The following DNM1L variants were observed in gnomAD, a reference collection of about 807,000 sequenced individuals.
DNM1L encodes the protein dynamin 1L, also known as dynamin-1-like protein.
Under a neutral mutation model 92.8 loss-of-function variants are expected in DNM1L, and 33 were observed. The observed-to-expected ratio is 0.36, with a 90% CI of 0.27 to 0.48. DNM1L has a LOEUF of 0.48. Ranked by LOEUF, DNM1L falls within the 20% of genes least tolerant of loss-of-function variation. DNM1L has a pLI of 0.99. For missense variants in DNM1L, 485 were observed against 888.8 expected (o/e 0.55, Z 5.78); for synonymous variants, 284 against 305.0 (o/e 0.93, Z 0.72).
intron 2 of DNM1L, among the ~76,000 whole-genome samples, chr12:32,703,614 CAAAAAA>C (rs61051514): frequency 3.5e-5 from 3 of 86,894 alleles, no homozygotes; most frequent in Non-Finnish European, 7.6e-5. Flanking sequence ...CATAAACTTT[CAAAAAA>C]AAAAAAAAAA....
intron 2 of DNM1L, chr12:32,706,898 A>G (rs1592601945): frequency 3.0e-6 from 1 of 331,924 alleles, no homozygotes; most frequent in Middle Eastern, 9.5e-4. Context: ...TCCTTGAGTC[A>G]TATGTGTACA....
At chr12:32,729,742 G>GACAC (rs1398010484) in intron 9 of DNM1L, among the ~76,000 whole-genome samples, 1 of 152,194 alleles carries the variant, frequency 6.6e-6, no homozygotes, top group Non-Finnish European at 1.5e-5. Context: ...TTACAGGTGT[G>GACAC]AGCCACTGTG....
intron 1 of DNM1L, among the ~76,000 whole-genome samples, chr12:32,684,941 A>ATTT (rs113634833): frequency 2.9e-4 from 40 of 137,572 alleles, no homozygotes; most frequent in South Asian, 7.0e-4. Context: ...GTGAATGTGT[A>ATTT]TTTTTTTTTT....
chr12:32,682,138 T>G (rs1313190034), intron 1 of DNM1L, among the ~76,000 whole-genome samples: 1 of 144,778 alleles, frequency 6.9e-6, no homozygotes, highest in Non-Finnish European at 1.5e-5. Context: ...ATCACTTTGG[T>G]TTTTTTTTTT....
chr12:32,681,530 A>AAGAG (rs145985226), intron 1 of DNM1L, among the ~76,000 whole-genome samples: 25,711 of 146,992 alleles, frequency 0.17, 2,894 homozygotes, highest in African/African-American at 0.3. Context: ...CCCCAGCAGA[A>AAGAG]AGAGAGAGAA....
chr12:32,726,332 T>C, intron 9 of DNM1L: 1 of 1,442,050 alleles, frequency 6.9e-7, no homozygotes. Context: ...AGAATTGTGT[T>C]TAGGCTAGGA....
At chr12:32,743,084 A>G (rs1006546586) in intron 19 of DNM1L, among the ~76,000 whole-genome samples, 1 of 151,010 alleles carries the variant, frequency 6.6e-6, no homozygotes, top group African/African-American at 2.4e-5. Flanking sequence ...TTTAGTAGAG[A>G]CGGGGTTTCA....
At chr12:32,738,792 A>G (rs571533802) in intron 16 of DNM1L, among the ~76,000 whole-genome samples, 1 of 152,294 alleles carries the variant, frequency 6.6e-6, no homozygotes, top group South Asian at 2.1e-4. Flanking sequence ...ATTTTAGAGG[A>G]AAATTAAATA....
At chr12:32,707,838 C>G (rs575542904) in intron 3 of DNM1L, among the ~76,000 whole-genome samples, 30 of 151,984 alleles carry the variant, frequency 2.0e-4, no homozygotes, top group African/African-American at 7.2e-4. Flanking sequence ...GTAGTCCTAG[C>G]TACTTGGAAG....
intron 1 of DNM1L, among the ~76,000 whole-genome samples, chr12:32,699,816 A>AAG (rs1952627540): frequency 6.6e-6 from 1 of 151,158 alleles, no homozygotes; most frequent in Admixed American, 6.6e-5. Context: ...AAAAAAAAAA[A>AAG]AAAGCAATGA....
intron 13 of DNM1L, among the ~76,000 whole-genome samples, chr12:32,734,728 G>T (rs548333759): frequency 6.6e-6 from 1 of 152,284 alleles, no homozygotes; most frequent in South Asian, 2.1e-4. Flanking sequence ...GAATCAACTT[G>T]AACCCAGGAG....
intron 9 of DNM1L, chr12:32,728,296 G>C (rs1211002139): frequency 6.6e-6 from 1 of 152,164 alleles, no homozygotes; most frequent in Non-Finnish European, 1.5e-5. Context: ...ACTCCGTAAA[G>C]AGAGTATTTA....
intron 6 of DNM1L, among the ~76,000 whole-genome samples, chr12:32,717,963 A>AG (rs2137416822): frequency 9.5e-6 from 1 of 105,502 alleles, no homozygotes; most frequent in South Asian, 2.4e-4. Context: ...TATATAGTAT[A>AG]TATATTATAT....
rs1450568885 is a variant in DNM1L at position 32,679,320 on chromosome 12, A to C, written c.-44A>C. 7.2e-7 allele frequency: 1 copy of C among 1,382,170 alleles called. No homozygotes were observed. The highest frequency in any genetic ancestry group is 1.0e-6 in the Non-Finnish European group (1 of 974,188). The allele number at this position is 1,382,170 out of a possible 1,614,324, so 85.6% of individuals were successfully genotyped here. On this transcript the variant is annotated 5_prime_UTR_variant, in exon 1 of 20. Coordinates refer to ENST00000549701, the MANE Select transcript of DNM1L (RefSeq NM_012062.5). The stretch of plus-strand genomic sequence containing the variant: ...CGAACTGTGGGCCCCGGCCCCATTC[A>C]TTGCCGTGGCCGGCGGGCACTGGGG...
At chr12:32,700,347 T>A (rs1447716900) in intron 1 of DNM1L, among the ~76,000 whole-genome samples, 1 of 152,150 alleles carries the variant, frequency 6.6e-6, no homozygotes, top group African/African-American at 2.4e-5. Flanking sequence ...CTCGAACTCC[T>A]GACCTCAGAT....
rs1952278780 is a variant in DNM1L, at chr12:32,692,652, TG to T, written c.103-8762del. On this transcript the variant is annotated intron_variant, in intron 1 of 19. Coordinates refer to ENST00000549701, the MANE Select transcript of DNM1L (RefSeq NM_012062.5). ...ATAATTTCTCCAATGTATAGTTTTT[TG>T]TGGTTTCTAGAAGCATCAAATGAAT... The T allele has an allele frequency of 2.6e-5, 4 of 152,340 alleles. 1 individual carries two copies. In the South Asian group the frequency reaches 6.2e-4, roughly 24 times the overall value. The allele number at this position is 152,340 out of a possible 1,614,324, so 9.4% of individuals were successfully genotyped here.
Position 32,686,832 on chromosome 12 carries a change from G to A in DNM1L, c.102+7367G>A, listed in dbSNP as rs549755336. Among the ~76,000 whole-genome samples, 3 of 152,066 alleles carry A rather than the reference G, an allele frequency of 2.0e-5. 1 individual carries two copies. Among genetic ancestry groups the A allele is most frequent in the African/African-American group, 7.2e-5 (3 of 41,484 alleles). On this transcript the variant is annotated intron_variant, in intron 1 of 19. Transcript: ENST00000549701. ...TTTGATTATAGTCATCCTAATGGGTGTGAAGTTTTGTTTTGCATTTCCCTA... is the reference window on the plus strand; with the variant it reads ...TTTGATTATAGTCATCCTAATGGGTATGAAGTTTTGTTTTGCATTTCCCTA...
At position 32,737,124 on chromosome 12, in the gene DNM1L, T is replaced by C. The variant is rs201966248; in HGVS notation, c.1559T>C (p.Leu520Pro). ...NNIEEQRRNRLARELPSAVSR... is the reference protein window; with the variant it reads ...NNIEEQRRNRPARELPSAVSR... ...TCTTAGGAACAAAGGAGAAACAGGC[T>C]AGCCAGAGAATTACCTTCAGCTGTA... Residue 520 changes from leucine (L) to proline (P), a missense_variant, in exon 14 of 20, where the codon CTA becomes CCA. By Grantham distance (98) the Leu-to-Pro change is moderately conservative. Transcript: ENST00000549701. 4 of 1,613,778 alleles carry C rather than the reference T, an allele frequency of 2.5e-6. No homozygotes were observed. Among genetic ancestry groups the C allele is most frequent in the Non-Finnish European group, 3.4e-6 (4 of 1,179,884 alleles).
chr12:32,737,832 A>AT (rs770263681), intron 14 of DNM1L, 33 bp from the exon 15 acceptor site: 52 of 1,587,190 alleles, frequency 3.3e-5, no homozygotes, highest in African/African-American at 8.1e-5. Context: ...TGCATCCTTG[A>AT]TTTTTTTTCC....
Sources: allele counts gnomAD v4.1 joint callset (sites outside exome capture counted in the v4.1 genomes callset), GRCh38; gene constraint gnomAD v4.1.1; transcripts MANE v1.5; gene names NCBI Gene and HGNC (gene_info 2026-07-23, HGNC 2026-07-21).